The following PPP2R1A variants were observed in gnomAD, a reference collection of about 807,000 sequenced individuals.
The protein encoded by PPP2R1A is protein phosphatase 2 scaffold subunit Aalpha.
A neutral mutation model predicts 67.1 loss-of-function variants in PPP2R1A; 15 were observed. The ratio of observed to expected loss-of-function variants is 0.22; its 90% CI spans 0.15 to 0.34. The LOEUF is 0.34. Among genes scored for constraint, PPP2R1A ranks in the 10% least tolerant of loss-of-function variants. The pLI is 1.00. For missense variants in PPP2R1A, 369 were observed against 775.0 expected, an observed-to-expected ratio of 0.48 and a Z score of 6.22; for synonymous variants, 337 against 325.0, an observed-to-expected ratio of 1.04 and a Z score of -0.40.
intron 1 of PPP2R1A, chr19:52,200,218 A>C (rs1309850407): frequency 1.3e-5 from 2 of 152,292 alleles, no homozygotes; most frequent in African/African-American, 4.8e-5. Flanking sequence ...TCTCCCCCTC[A>C]TGAAAGCATT....
rs147355596 is a variant in PPP2R1A at position 52,193,630 on chromosome 19, G to T, written c.78+3456G>T. Among the ~76,000 whole-genome samples the T allele has an allele frequency of 3.1e-4, 47 of 152,076 alleles. 1 individual carries two copies. In the South Asian group the frequency reaches 3.3e-3, roughly 11 times the overall value. ...AGACAGAGTCTCACTCTGTCGTCCA[G>T]GCCGTCTCTGCTCATTGCAACCTCC... is the stretch of plus-strand genomic sequence containing the variant. On this transcript the variant is annotated intron_variant, in intron 1 of 14. Transcript: ENST00000322088.
At position 52,211,901 on chromosome 19, in the gene PPP2R1A, G is replaced by A. The variant is rs113762853; in HGVS notation, c.503+409G>A. On this transcript the variant is annotated intron_variant, in intron 4 of 14. Transcript: ENST00000322088. This position sits in a 1 kb window ranked among gnomAD's most constrained non-coding sequence, Gnocchi z 5.3. ...CACCTCAGTTTTCAGCCTCCTGCTC[G>A]TCTACTTTGCAAACGATTGACCGTC... Among the ~76,000 whole-genome samples the A allele has an allele frequency of 2.0e-5, 3 of 152,262 alleles. No homozygotes were observed. Among genetic ancestry groups the A allele is most frequent in the South Asian group, 2.1e-4 (1 of 4,834 alleles).
At chr19:52,209,143 T>C (rs2089638715) in intron 3 of PPP2R1A, among the ~76,000 whole-genome samples, 1 of 152,208 alleles carries the variant, frequency 6.6e-6, no homozygotes, top group South Asian at 2.1e-4. Context: ...TGCAGTAACC[T>C]ACAGGAGAAG....
At position 52,225,809 on chromosome 19, in the gene PPP2R1A, G is replaced by A; in HGVS notation, c.1753+1G>A. The A allele has an allele frequency of 6.2e-7, 1 of 1,613,918 alleles. No individual in the cohort carries two copies. The highest frequency in any genetic ancestry group is 8.5e-7 in the Non-Finnish European group (1 of 1,179,772). Reference sequence around the variant, plus strand: ...TACTTTGCCCAGGAGGCTCTGACTGGTAAGACCTAGAAAGCACGGAGCCCT... The same window carrying A: ...TACTTTGCCCAGGAGGCTCTGACTGATAAGACCTAGAAAGCACGGAGCCCT... On this transcript the variant is annotated splice_donor_variant, in intron 14 of 14. Coordinates refer to ENST00000322088, the MANE Select transcript of PPP2R1A (RefSeq NM_014225.6). LOFTEE classifies it high-confidence loss of function.
At chr19:52,217,878 A>C (rs114005023) in intron 9 of PPP2R1A, among the ~76,000 whole-genome samples, 3,263 of 151,974 alleles carry the variant, frequency 0.021, 115 homozygotes, top group African/African-American at 0.074. Flanking sequence ...TTTGGACTTG[A>C]CTGTGGGCAA....
At position 52,212,187 on chromosome 19, in the gene PPP2R1A, G is replaced by T. The variant is rs545688029; in HGVS notation, c.504-499G>T. On this transcript the variant is annotated intron_variant, in intron 4 of 14. Coordinates refer to ENST00000322088, the MANE Select transcript of PPP2R1A (RefSeq NM_014225.6). This position sits in a 1 kb window ranked among gnomAD's most constrained non-coding sequence, Gnocchi z 4.1. The stretch of plus-strand genomic sequence containing the variant: ...TGCAGCCTCAACCTCCTGGGCTCAA[G>T]CATTCCTCCTGCCTTAGCCTCTCAA... Among the ~76,000 whole-genome samples, 2 of 152,316 alleles carry T rather than the reference G, an allele frequency of 1.3e-5. No individual in the cohort carries two copies. Among genetic ancestry groups the T allele is most frequent in the Non-Finnish European group, 2.9e-5 (2 of 68,030 alleles).
intron 10 of PPP2R1A, 90 bp from the exon 11 acceptor site, chr19:52,220,099 G>A (rs1268324008): frequency 4.3e-6 from 6 of 1,411,138 alleles, no homozygotes; most frequent in East Asian, 4.6e-5. Flanking sequence ...TCTTTCTAGG[G>A]TGGGTGTAGG....
At chr19:52,195,455 G>A (rs571738348) in intron 1 of PPP2R1A, among the ~76,000 whole-genome samples, 1 of 152,290 alleles carries the variant, frequency 6.6e-6, no homozygotes, top group South Asian at 2.1e-4. Context: ...TGCAGCACAC[G>A]CCAACTGGAT....
At chr19:52,224,375 T>A (rs779823743) in intron 13 of PPP2R1A, among the ~76,000 whole-genome samples, 2 of 152,240 alleles carry the variant, frequency 1.3e-5, no homozygotes, top group African/African-American at 2.4e-5. Flanking sequence ...TCCTCTGGGC[T>A]CCTGGAGGAC....
intron 1 of PPP2R1A, among the ~76,000 whole-genome samples, chr19:52,192,577 G>C (rs1277477856): frequency 6.6e-6 from 1 of 152,114 alleles, no homozygotes; most frequent in Admixed American, 6.6e-5. Context: ...GCCTCCGAAA[G>C]TGCTGGAATT....
chr19:52,197,452 A>G (rs1320275306), intron 1 of PPP2R1A, among the ~76,000 whole-genome samples: 2 of 151,928 alleles, frequency 1.3e-5, no homozygotes, highest in Admixed American at 6.6e-5. Flanking sequence ...AGGTGGGAGG[A>G]TTGCTTGAGC....
Position 52,212,109 on chromosome 19 carries a change from A to G in PPP2R1A, c.504-577A>G, listed in dbSNP as rs2089675725. On this transcript the variant is annotated intron_variant, in intron 4 of 14. Transcript: ENST00000322088. This position sits in a 1 kb window ranked among gnomAD's most constrained non-coding sequence, Gnocchi z 4.1. ...TTTTTGTTTGTTTGTTTTTTGAGAT[A>G]GGATCTCGCTCTGTCATCCAGGCTG... is the stretch of plus-strand genomic sequence containing the variant. Among the ~76,000 whole-genome samples, 1 of 152,236 alleles carries G rather than the reference A, an allele frequency of 6.6e-6. No homozygotes were observed. Among genetic ancestry groups the G allele is most frequent in the South Asian group, 2.1e-4 (1 of 4,828 alleles).
At position 52,223,454 on chromosome 19, in the gene PPP2R1A, A is replaced by G. The variant is rs937821188; in HGVS notation, c.1661+1213A>G. On this transcript the variant is annotated intron_variant, in intron 13 of 14. Transcript: ENST00000322088. The stretch of plus-strand genomic sequence containing the variant: ...GCATTTTGAGAGTAAAATGCAAGCC[A>G]CTGACTGGAGGAAGATGTTTTAATA... Among the ~76,000 whole-genome samples the G allele has an allele frequency of 2.0e-5, 3 of 152,204 alleles. No homozygotes were observed. The East Asian group carries it at 5.8e-4, about 29-fold the overall frequency.
intron 3 of PPP2R1A, among the ~76,000 whole-genome samples, chr19:52,209,136 A>G (rs1377655013): frequency 2.6e-5 from 4 of 152,244 alleles, no homozygotes; most frequent in African/African-American, 9.6e-5. Context: ...TACTTCCTGC[A>G]GTAACCTACA....
intron 2 of PPP2R1A, among the ~76,000 whole-genome samples, chr19:52,204,179 G>A (rs1157815655): frequency 1.3e-5 from 2 of 152,200 alleles, no homozygotes; most frequent in Non-Finnish European, 2.9e-5. Context: ...ATAGCAGTGA[G>A]GTAGCCATGG....
chr19:52,202,454 T>C (rs961678037), intron 2 of PPP2R1A, among the ~76,000 whole-genome samples: 1 of 152,258 alleles, frequency 6.6e-6, no homozygotes, highest in African/African-American at 2.4e-5. Flanking sequence ...CTACACCGTA[T>C]CTTGTGAGGA....
At chr19:52,190,252 A>G in intron 1 of PPP2R1A, 78 bp downstream of exon 1, 1 of 1,482,158 alleles carries the variant, frequency 6.7e-7, no homozygotes, top group Non-Finnish European at 9.2e-7. Context: ...GAGAAGACTC[A>G]GCGTTCGCTG....
intron 1 of PPP2R1A, among the ~76,000 whole-genome samples, chr19:52,193,860 C>T (rs1202616178): frequency 9.9e-5 from 15 of 151,588 alleles, no homozygotes. Context: ...CTGGCCAATT[C>T]TAGCACTTTG....
intron 13 of PPP2R1A, among the ~76,000 whole-genome samples, chr19:52,223,296 A>G (rs996565435): frequency 2.0e-5 from 3 of 152,260 alleles, no homozygotes; most frequent in African/African-American, 4.8e-5. Context: ...TTTTAAAAAT[A>G]AAGGACCTAG....
Sources: gnomAD v4.1 joint callset for allele counts (sites outside exome capture counted in the v4.1 genomes callset) on GRCh38, gnomAD v4.1.1 for gene constraint, Gnocchi (gnomAD v3.1) non-coding constraint, MANE v1.5 for transcripts, NCBI Gene and HGNC (gene_info 2026-07-23, HGNC 2026-07-21) for gene names.